The following ECE1 variants were observed in gnomAD, a reference collection of about 807,000 sequenced individuals.
ECE1 encodes the protein endothelin-converting enzyme 1.
A neutral mutation model predicts 98.6 loss-of-function variants in ECE1; 35 were observed. The observed-to-expected ratio is 0.35, with a 90% CI of 0.27 to 0.47. The LOEUF (loss-of-function observed/expected upper bound fraction) is 0.47. Among genes scored for constraint, ECE1 ranks in the 20% least tolerant of loss-of-function variants. ECE1 has a pLI of 1.00. For missense variants in ECE1, 814 were observed against 1,025.3 expected, an observed-to-expected ratio of 0.79 and a Z score of 2.81; for synonymous variants, 394 against 407.1, an observed-to-expected ratio of 0.97 and a Z score of 0.39.
intron 14 of ECE1, among the ~76,000 whole-genome samples, chr1:21,231,496 C>T (rs995077444): frequency 3.3e-5 from 5 of 152,206 alleles, no homozygotes; most frequent in African/African-American, 1.2e-4. Context: ...TGTCTACCAC[C>T]ATGCGTGGCT....
In ECE1 at chr1:21,225,060, C is replaced by T. The variant is rs1202611603; in HGVS notation, c.2040+190G>A. ...GAGCACAAAGCCTTCTGGTGCCAAG[C>T]CCTGTGGTGGGGGAGCCTCCACGGT... On this transcript the variant is annotated intron_variant, in intron 17 of 18. Transcript: ENST00000374893. The surrounding 1 kb of genome is among the most constrained non-coding windows in gnomAD (Gnocchi z 5.3). Among the ~76,000 whole-genome samples the T allele has an allele frequency of 1.3e-5, 2 of 152,230 alleles. No homozygotes were observed. The highest frequency in any genetic ancestry group is 1.3e-4 in the Admixed American group (2 of 15,278).
chr1:21,329,897 G>A (rs190691784), intron 1 of ECE1, among the ~76,000 whole-genome samples: 4 of 152,282 alleles, frequency 2.6e-5, no homozygotes, highest in Non-Finnish European at 1.5e-5. Flanking sequence ...AGTGACCCAG[G>A]ACCCAGAGTC....
intron 8 of ECE1, among the ~76,000 whole-genome samples, chr1:21,251,538 G>T (rs193129893): frequency 7.5e-4 from 114 of 152,260 alleles, no homozygotes; most frequent in African/African-American, 2.5e-3. Context: ...AAACAAAACA[G>T]TTAACAACTG....
At chr1:21,320,404 G>A (rs541695465) in intron 1 of ECE1, among the ~76,000 whole-genome samples, 7 of 138,588 alleles carry the variant, frequency 5.1e-5, no homozygotes, top group African/African-American at 9.1e-5. Context: ...GGAAGGTGCT[G>A]GAGAAATAAG....
chr1:21,232,409 C>T (rs984484059), intron 14 of ECE1, among the ~76,000 whole-genome samples: 1 of 151,948 alleles, frequency 6.6e-6, no homozygotes, highest in Admixed American at 6.6e-5. Flanking sequence ...AGTGATCCTC[C>T]CACCTCTGCC....
Position 21,225,100 on chromosome 1 carries a change from G to T in ECE1, c.2040+150C>A. 1.9e-6 allele frequency: 2 copies of T among 1,046,206 alleles called. No individual in the cohort carries two copies. The highest frequency in any genetic ancestry group is 2.8e-6 in the Non-Finnish European group (2 of 722,490). 64.8% of individuals were successfully genotyped at this position (1,046,206 alleles called of 1,614,324 possible). ...GCCTCCACGGTCGGCATCGCGATTG[G>T]TCCTCGCCACCCCCAATTTCGCAGA... On this transcript the variant is annotated intron_variant, in intron 17 of 18. Coordinates refer to ENST00000374893, the MANE Select transcript of ECE1 (RefSeq NM_001397.3). The surrounding 1 kb of genome is among the most constrained non-coding windows in gnomAD (Gnocchi z 5.3).
At position 21,221,642 on chromosome 1, in the gene ECE1, G is replaced by A. The variant is rs970337699; in HGVS notation, c.2136+105C>T. The A allele has an allele frequency of 1.0e-5, 12 of 1,172,832 alleles. No homozygotes were observed. The African/African-American group carries it at 1.5e-4, about 15-fold the overall frequency. The allele number at this position is 1,172,832 out of a possible 1,614,324, so 72.7% of individuals were successfully genotyped here. On this transcript the variant is annotated intron_variant, in intron 18 of 18. Coordinates refer to ENST00000374893, the MANE Select transcript of ECE1 (RefSeq NM_001397.3). Reference sequence around the variant, plus strand: ...GTGCTGTGCACAGTCCAGTGACTTGGGAAGTTCTCAATCTGTGGGGAACTT... The same window carrying A: ...GTGCTGTGCACAGTCCAGTGACTTGAGAAGTTCTCAATCTGTGGGGAACTT...
At chr1:21,339,850 G>T (rs1467903274) in intron 1 of ECE1, among the ~76,000 whole-genome samples, 1 of 152,188 alleles carries the variant, frequency 6.6e-6, no homozygotes, top group South Asian at 2.1e-4. Flanking sequence ...AGCCCACCAA[G>T]ACAGGCCTGG....
At chr1:21,317,539 C>T (rs543110794) in intron 1 of ECE1, among the ~76,000 whole-genome samples, 4 of 152,222 alleles carry the variant, frequency 2.6e-5, no homozygotes, top group South Asian at 2.1e-4. Context: ...GTCCCCTGAC[C>T]GGGATGGAGT....
At chr1:21,317,920 G>A (rs908421870) in intron 1 of ECE1, among the ~76,000 whole-genome samples, 8 of 152,210 alleles carry the variant, frequency 5.3e-5, no homozygotes, top group Admixed American at 1.3e-4. Context: ...ATCCAGGCTC[G>A]GGGTGTGACC....
In ECE1 at chr1:21,235,650, C is replaced by T. The variant is rs1365852500; in HGVS notation, c.1566+200G>A. ...GATGGTGGCTATGGGGAGGCAGGGC[C>T]TCCAGCTGACCCAGGAGCCAAATTA... On this transcript the variant is annotated intron_variant, in intron 13 of 18. Transcript: ENST00000374893. This position sits in a 1 kb window ranked among gnomAD's most constrained non-coding sequence, Gnocchi z 4.2. Among the ~76,000 whole-genome samples the T allele has an allele frequency of 1.3e-5, 2 of 152,192 alleles. No individual in the cohort carries two copies. The highest frequency in any genetic ancestry group is 2.9e-5 in the Non-Finnish European group (2 of 68,040).
chr1:21,343,327 A>T (rs944288939), intron 1 of ECE1, among the ~76,000 whole-genome samples: 1 of 152,226 alleles, frequency 6.6e-6, no homozygotes, highest in Non-Finnish European at 1.5e-5. Context: ...ATGACAGACG[A>T]AAGTATCACG....
At chr1:21,301,508 AAAC>A (rs1638483983) in intron 1 of ECE1, among the ~76,000 whole-genome samples, 2 of 150,548 alleles carry the variant, frequency 1.3e-5, no homozygotes, top group African/African-American at 4.9e-5. Context: ...ACAAACAAAC[AAAC>A]AAACAAACAA....
intron 5 of ECE1, among the ~76,000 whole-genome samples, chr1:21,259,329 G>A (rs1035185326): frequency 2.0e-5 from 3 of 152,068 alleles, no homozygotes; most frequent in Non-Finnish European, 4.4e-5. Flanking sequence ...GTGCAGTGGG[G>A]CCATCACAAC....
At chr1:21,323,535 G>T (rs545559028) in intron 1 of ECE1, among the ~76,000 whole-genome samples, 1 of 152,226 alleles carries the variant, frequency 6.6e-6, no homozygotes, top group Non-Finnish European at 1.5e-5. Flanking sequence ...GAGATGGGAG[G>T]ATCACCTGAG....
intron 4 of ECE1, among the ~76,000 whole-genome samples, chr1:21,261,944 A>G (rs907559266): frequency 6.6e-6 from 1 of 152,192 alleles, no homozygotes; most frequent in Non-Finnish European, 1.5e-5. Flanking sequence ...GGAGAAAAGA[A>G]AGCTGTCTGG....
chr1:21,289,919 C>G, intron 2 of ECE1, 151 bp downstream of exon 2: 1 of 980,232 alleles, frequency 1.0e-6, no homozygotes, highest in Non-Finnish European at 1.3e-6. Context: ...GCTCCAGCTG[C>G]GGGGAGGCGC....
In ECE1 at chr1:21,228,071, A is replaced by G. The variant is rs774364191; in HGVS notation, c.1671-30T>C. 2.4e-5 allele frequency: 37 copies of G among 1,534,814 alleles called. No individual in the cohort carries two copies. The Admixed American group carries it at 2.6e-4, about 11-fold the overall frequency. The stretch of plus-strand genomic sequence containing the variant: ...AAGCAACACACATGCAGGAGGTCTC[A>G]GCACAGGGCGGGAGGCAGGTGGGGA... On this transcript the variant is annotated intron_variant, in intron 14 of 18. Transcript: ENST00000374893.
chr1:21,263,513 C>G (rs1471309816), intron 4 of ECE1, among the ~76,000 whole-genome samples: 1 of 152,078 alleles, frequency 6.6e-6, no homozygotes, highest in African/African-American at 2.4e-5. Context: ...TGTACCACCA[C>G]GCCTGGCTAA....
Sources: gnomAD v4.1 joint callset for allele counts (sites outside exome capture counted in the v4.1 genomes callset) on GRCh38, gnomAD v4.1.1 for gene constraint, Gnocchi (gnomAD v3.1) non-coding constraint, MANE v1.5 for transcripts, NCBI Gene and HGNC (gene_info 2026-07-23, HGNC 2026-07-21) for gene names.